Variants in ZNF563 observed in about 807,000 individuals in gnomAD.
The protein encoded by ZNF563 is zinc finger protein 563.
In ZNF563, 39 loss-of-function variants were observed where a neutral mutation model predicts 48.5. The observed-to-expected ratio is 0.80, with a 90% CI of 0.62 to 1.05. The LOEUF is 1.05. Ranked by LOEUF, ZNF563 falls within the 50% of genes least tolerant of loss-of-function variation. The probability of loss-of-function intolerance (pLI) is 0.00; values close to 1 mark genes in which losing one functional copy is unlikely to be tolerated. For missense variants in ZNF563, 538 were observed against 597.0 expected (o/e 0.90, Z 1.03); for synonymous variants, 168 against 187.9 (o/e 0.89, Z 0.87).
chr19:12,322,494 C>T, intron 2 of ZNF563, 91 bp downstream of exon 2: 1 of 1,361,696 alleles, frequency 7.3e-7, no homozygotes, highest in Non-Finnish European at 9.9e-7. Flanking sequence ...CCATCATATG[C>T]CCTTTCCATA....
upstream of ZNF563, among the ~76,000 whole-genome samples, chr19:12,334,238 C>G (rs74607593): frequency 0.025 from 3,738 of 152,158 alleles, 156 homozygotes; most frequent in African/African-American, 0.085. Context: ...TGTGGAAGAA[C>G]TGAAATCACA....
intron 3 of ZNF563, among the ~76,000 whole-genome samples, chr19:12,320,888 C>A (rs982733607): frequency 1.3e-5 from 2 of 151,686 alleles, no homozygotes; most frequent in East Asian, 3.9e-4. Flanking sequence ...ACCTGTAATC[C>A]CAGCATTTGG....
In ZNF563 at chr19:12,322,629, T is replaced by C; in HGVS notation, c.86A>G (p.Tyr29Cys). Reference protein sequence around the residue: ...ALLGPSQKNLYRYVMQETIRN... With the variant: ...ALLGPSQKNLCRYVMQETIRN... ...GATGGTTTCTTGCATCACATATCTG[T>C]ATAAATTCTTCTGTGATGGACCCAG... Residue 29 changes from tyrosine (Y) to cysteine (C), a missense_variant, in exon 2 of 4, where the codon TAC becomes TGC. Physicochemically the swap from Tyr to Cys is radical, Grantham distance 194. Transcript: ENST00000293725. 1.2e-6 allele frequency: 2 copies of C among 1,609,538 alleles called. No individual in the cohort carries two copies. Among genetic ancestry groups the C allele is most frequent in the Non-Finnish European group, 1.7e-6 (2 of 1,177,368 alleles).
intron 2 of ZNF563, 90 bp from the exon 3 acceptor site, chr19:12,321,422 C>T (rs1438816247): frequency 2.5e-6 from 2 of 789,646 alleles, no homozygotes; most frequent in Admixed American, 3.6e-5. Context: ...ATACATGATT[C>T]GTTCATCAAA....
At position 12,319,682 on chromosome 19, in the gene ZNF563, G is replaced by C. The variant is rs761699443; in HGVS notation, c.343C>G (p.His115Asp). The C allele has an allele frequency of 6.2e-7, 1 of 1,613,972 alleles. No individual in the cohort carries two copies. Residue 115 changes from histidine (H) to aspartate (D), a missense_variant, in exon 4 of 4, where the codon CAT becomes GAT. Physicochemically the swap from His to Asp is moderately conservative, Grantham distance 81 (BLOSUM62 -1). Transcript: ENST00000293725. ...CTGATGTGGCTATTAAGGGATAAATGACCCATTATGACTTCTTCACACTCA... is the reference window on the plus strand; with the variant it reads ...CTGATGTGGCTATTAAGGGATAAATCACCCATTATGACTTCTTCACACTCA... ...SAECEEVIMG[H>D]LSLNSHIRVD...
intron 1 of ZNF563, among the ~76,000 whole-genome samples, chr19:12,326,845 T>C (rs1968808144): frequency 6.6e-6 from 1 of 152,164 alleles, no homozygotes; most frequent in Non-Finnish European, 1.5e-5. Context: ...TAAAAAATGA[T>C]TTACTTTTCT....
rs1968525338 is a variant in ZNF563, at chr19:12,319,105, T to C, written c.920A>G (p.Lys307Arg). ...CCCGCATTGCTTACACTCATAGGGT[T>C]TCTCTGCACTGTGAGTGGTTTCATG... Reference protein sequence around the residue: ...RRHETTHSAEKPYECKQCGKT... With the variant: ...RRHETTHSAERPYECKQCGKT... Residue 307 changes from lysine to arginine, a missense_variant, in exon 4 of 4, where the codon AAA becomes AGA. Coordinates refer to ENST00000293725, the MANE Select transcript of ZNF563 (RefSeq NM_145276.3). 6.2e-7 allele frequency: 1 copy of C among 1,614,080 alleles called. No individual in the cohort carries two copies. The highest frequency in any genetic ancestry group is 1.3e-5 in the African/African-American group (1 of 74,928).
rs937344819 is a variant in ZNF563, at chr19:12,318,046, GC to G, written c.*547del. 1 of 150,468 alleles carries G rather than the reference GC, an allele frequency of 6.6e-6. No homozygotes were observed. Among genetic ancestry groups the G allele is most frequent in the African/African-American group, 2.5e-5 (1 of 40,086 alleles). The allele number at this position is 150,468 out of a possible 1,614,324, so 9.3% of individuals were successfully genotyped here. A position where few individuals can be genotyped will look rare whatever the true frequency, so the allele number is the denominator to read the frequency against. The stretch of plus-strand genomic sequence containing the variant: ...TTTTGAGACAGGGTCTGGCTCTGTC[GC>G]CCAGGCTGGGGTGCAGTGCATCTTG... On this transcript the variant is annotated 3_prime_UTR_variant, in exon 4 of 4. Transcript: ENST00000293725.
chr19:12,346,104 T>G, the ZNF563 span: 1 of 151,986 alleles, frequency 6.6e-6, no homozygotes, highest in Non-Finnish European at 1.5e-5. Context: ...CATCTGCATA[T>G]CACATATCAA....
At chr19:12,337,580 C>T (rs917770129), upstream of ZNF563, among the ~76,000 whole-genome samples, 4 of 152,052 alleles carry the variant, frequency 2.6e-5, no homozygotes, top group African/African-American at 9.7e-5. Flanking sequence ...CACAGCAATA[C>T]AGATGATAAA....
At chr19:12,329,521 T>A (rs1214815072) in intron 1 of ZNF563, among the ~76,000 whole-genome samples, 2 of 149,824 alleles carry the variant, frequency 1.3e-5, no homozygotes, top group Non-Finnish European at 3.0e-5. Context: ...CAACAGATGA[T>A]TCTCTGAAAA....
chr19:12,331,359 C>A (rs2145818964), intron 1 of ZNF563, among the ~76,000 whole-genome samples: 1 of 152,064 alleles, frequency 6.6e-6, no homozygotes, highest in African/African-American at 2.4e-5. Flanking sequence ...TCAGTGACTA[C>A]TCCCTACCCC....
the ZNF563 span, among the ~76,000 whole-genome samples, chr19:12,342,478 CA>C: frequency 6.2e-5 from 9 of 144,160 alleles, no homozygotes; most frequent in South Asian, 2.2e-4. Context: ...TCAAAAAAAA[CA>C]AAAAAAAAAG....
the ZNF563 span, among the ~76,000 whole-genome samples, chr19:12,344,384 G>A: frequency 6.6e-6 from 1 of 150,616 alleles, no homozygotes; most frequent in Non-Finnish European, 1.5e-5. Context: ...AAAAAAAGTG[G>A]GATTTATTCC....
At chr19:12,343,793 C>G in the ZNF563 span, among the ~76,000 whole-genome samples, 1 of 143,186 alleles carries the variant, frequency 7.0e-6, no homozygotes, top group Non-Finnish European at 1.5e-5. Flanking sequence ...TACAGTGGCG[C>G]GATCTTGGCT....
At chr19:12,345,468 C>T in the ZNF563 span, among the ~76,000 whole-genome samples, 7,256 of 152,230 alleles carry the variant, frequency 0.048, 570 homozygotes, top group African/African-American at 0.17. Flanking sequence ...AGTGCCAAGA[C>T]CGTTCTTTGG....
chr19:12,334,129 G>A (rs1405742956), upstream of ZNF563, among the ~76,000 whole-genome samples: 1 of 152,140 alleles, frequency 6.6e-6, no homozygotes. Flanking sequence ...GACTCTTGGC[G>A]GCAAGGTTAA....
At chr19:12,337,331 A>C (rs1264719504), upstream of ZNF563, among the ~76,000 whole-genome samples, 1 of 151,872 alleles carries the variant, frequency 6.6e-6, no homozygotes. Context: ...GCCTCCCGAG[A>C]GGCTGGGACT....
rs1375363986 is a variant in ZNF563 at position 12,319,139 on chromosome 19, G to A, written c.886C>T (p.Leu296Phe). 2.5e-6 allele frequency: 4 copies of A among 1,613,550 alleles called. No individual in the cohort carries two copies. The Admixed American group carries it at 6.7e-5, about 27-fold the overall frequency. Residue 296 changes from leucine to phenylalanine, a missense_variant, in exon 4 of 4, where the codon CTT becomes TTT. By Grantham distance (22) the Leu-to-Phe change is conservative. Coordinates refer to ENST00000293725, the MANE Select transcript of ZNF563 (RefSeq NM_145276.3). The stretch of plus-strand genomic sequence containing the variant: ...CTGTGAGTGGTTTCATGTCTTCGAA[G>A]GGAACTGGAAACACTGAAGGCTTTC... The part of the protein sequence containing the change: ...CGKAFSVSSS[L>F]RRHETTHSAE...
Sources: allele counts gnomAD v4.1 joint callset (sites outside exome capture counted in the v4.1 genomes callset), GRCh38; gene constraint gnomAD v4.1.1; transcripts MANE v1.5; gene names NCBI Gene and HGNC (gene_info 2026-07-23, HGNC 2026-07-21).